The following LRRCC1 variants were observed in gnomAD, a reference collection of about 807,000 sequenced individuals.
LRRCC1 encodes leucine-rich repeat and coiled-coil domain-containing protein 1.
Under a neutral mutation model 126.0 loss-of-function variants are expected in LRRCC1, and 115 were observed. That is an observed-to-expected ratio of 0.91 (90% CI 0.78 to 1.07). The LOEUF (loss-of-function observed/expected upper bound fraction) is 1.07. Ranked by LOEUF, LRRCC1 falls within the 50% of genes least tolerant of loss-of-function variation. The pLI is 0.00. For synonymous variants in LRRCC1, 400 were observed against 393.4 expected, an observed-to-expected ratio of 1.02 and a Z score of -0.20; for missense variants, 1,172 against 1,175.7, an observed-to-expected ratio of 1.00 and a Z score of 0.05.
chr8:85,107,297 T>TGGA lies in LRRCC1; in HGVS notation c.5_7dup (p.Glu2dup), dbSNP rs1808305061. The TGGA allele has an allele frequency of 5.0e-6, 8 of 1,611,806 alleles. No homozygotes were observed. Among genetic ancestry groups the TGGA allele is most frequent in the Non-Finnish European group, 6.8e-6 (8 of 1,179,074 alleles). ...ACCCCGCTCCCCGTCGCCAGTGCTATGGAGGCGGCGGCGGCGGTGGTGGCG... is the reference window on the plus strand; with the variant it reads ...ACCCCGCTCCCCGTCGCCAGTGCTATGGAGGAGGCGGCGGCGGCGGTGGTGGCG... On this transcript the variant is annotated inframe_insertion, in exon 1 of 19. Coordinates refer to ENST00000360375, the MANE Select transcript of LRRCC1 (RefSeq NM_033402.5).
chr8:85,113,881 A>G (rs989813390), intron 4 of LRRCC1, among the ~76,000 whole-genome samples: 1 of 152,150 alleles, frequency 6.6e-6, no homozygotes, highest in Non-Finnish European at 1.5e-5. Flanking sequence ...CACTTATCTC[A>G]TATTGCTTAA....
chr8:85,142,515 A>G (rs1811323027), intron 18 of LRRCC1, among the ~76,000 whole-genome samples: 1 of 152,152 alleles, frequency 6.6e-6, no homozygotes, highest in Non-Finnish European at 1.5e-5. Flanking sequence ...AGAGTTCACC[A>G]ACAGAAAGGC....
rs1563923655 is a variant in LRRCC1 at position 85,107,412 on chromosome 8, C to T, written c.104+13C>T. ...AAGGCTTGCAGAGGTAAAGGGCGCT[C>T]CGCAGCCAGGAGCGACCCGCGCACT... On this transcript the variant is annotated intron_variant, in intron 1 of 18. Transcript: ENST00000360375. The T allele has an allele frequency of 6.3e-7, 1 of 1,597,314 alleles. No homozygotes were observed.
chr8:85,118,892 C>T (rs1439728919), intron 6 of LRRCC1, among the ~76,000 whole-genome samples: 2 of 151,166 alleles, frequency 1.3e-5, no homozygotes, highest in East Asian at 1.9e-4. Flanking sequence ...ATTTTTTTCC[C>T]TTTCATGGTC....
chr8:85,130,681 T>A (rs1222162873), intron 11 of LRRCC1, among the ~76,000 whole-genome samples: 1 of 152,128 alleles, frequency 6.6e-6, no homozygotes, highest in Non-Finnish European at 1.5e-5. Flanking sequence ...AGAGAGAAAA[T>A]TTTTAATTGA....
At chr8:85,132,734 T>C (rs1285802287) in intron 12 of LRRCC1, among the ~76,000 whole-genome samples, 1 of 152,176 alleles carries the variant, frequency 6.6e-6, no homozygotes, top group Non-Finnish European at 1.5e-5. Flanking sequence ...GCCTGGCCTG[T>C]ATAGCCTAAC....
chr8:85,124,969 G>A lies in LRRCC1; in HGVS notation c.1272+30G>A, dbSNP rs760242491. 1.5e-4 allele frequency: 219 copies of A among 1,503,058 alleles called. 1 individual carries two copies. The highest frequency in any genetic ancestry group is 9.0e-6 in the Non-Finnish European group (10 of 1,114,946). 93.1% of individuals were successfully genotyped at this position (1,503,058 alleles called of 1,614,324 possible). A position where few individuals can be genotyped will look rare whatever the true frequency, so the allele number is the denominator to read the frequency against. ...GATTTAAGAGTTAAAGAAAAAATGA[G>A]TATGAATAATTTTAAATACAGAGTC... On this transcript the variant is annotated intron_variant, in intron 8 of 18. Coordinates refer to ENST00000360375, the MANE Select transcript of LRRCC1 (RefSeq NM_033402.5).
intron 18 of LRRCC1, among the ~76,000 whole-genome samples, chr8:85,144,151 A>G (rs1398008259): frequency 6.6e-6 from 1 of 152,136 alleles, no homozygotes. Context: ...GTAATATATA[A>G]CCACCAACAG....
chr8:85,139,805 T>C (rs61611893), intron 17 of LRRCC1, among the ~76,000 whole-genome samples: 2,808 of 152,278 alleles, frequency 0.018, 47 homozygotes, highest in East Asian at 0.06. Flanking sequence ...CCCAAAAATC[T>C]CACTTAAAGA....
intron 18 of LRRCC1, among the ~76,000 whole-genome samples, chr8:85,143,801 G>A (rs1811432460): frequency 6.6e-6 from 1 of 152,180 alleles, no homozygotes; most frequent in African/African-American, 2.4e-5. Flanking sequence ...CTTAAGGGAA[G>A]TGTTTGAAGT....
chr8:85,132,375 CTTT>C (rs551423793), intron 12 of LRRCC1, among the ~76,000 whole-genome samples: 1,455 of 109,562 alleles, frequency 0.013, 1 homozygote, highest in African/African-American at 0.05. Context: ...TGAGTACTTT[CTTT>C]TTTTTTTTTT....
At chr8:85,129,101 T>G in intron 9 of LRRCC1, 74 bp from the exon 10 acceptor site, 1 of 1,062,820 alleles carries the variant, frequency 9.4e-7, no homozygotes, top group East Asian at 2.4e-5. Context: ...CAGAGAGTAC[T>G]CTCATTGAAG....
intron 14 of LRRCC1, among the ~76,000 whole-genome samples, chr8:85,136,991 A>AT (rs367742273): frequency 0.076 from 11,549 of 151,548 alleles, 545 homozygotes; most frequent in South Asian, 0.12. Flanking sequence ...TGCCCGGCTA[A>AT]TTTTTTTGTA....
intron 10 of LRRCC1, 69 bp from the exon 11 acceptor site, chr8:85,129,850 T>G: frequency 1.6e-6 from 2 of 1,216,832 alleles, no homozygotes; most frequent in Non-Finnish European, 2.2e-6. Context: ...AAGGTACTTA[T>G]GGAAACTGAC....
intron 11 of LRRCC1, 77 bp downstream of exon 11, chr8:85,130,135 ATTT>A (rs11312968): frequency 0.015 from 9,229 of 621,290 alleles, no homozygotes; most frequent in Middle Eastern, 0.019. Flanking sequence ...CACTACCAGT[ATTT>A]TTTTTTTTTT....
chr8:85,134,982 A>G lies in LRRCC1; in HGVS notation c.2104A>G (p.Lys702Glu). The G allele has an allele frequency of 6.4e-7, 1 of 1,556,588 alleles. No homozygotes were observed. The highest frequency in any genetic ancestry group is 8.6e-7 in the Non-Finnish European group (1 of 1,162,294). ...LTCMVKEQKT[K>E]LAEVSKLKQE... ...CTGTATGGTAAAGGAACAAAAAACA[A>G]AACTGGCAGAAGTTTCTAAATTGAA... Residue 702 changes from lysine (K) to glutamate (E), a missense_variant, in exon 13 of 19, where the codon AAA becomes GAA. Physicochemically the swap from Lys to Glu is moderately conservative, Grantham distance 56. Coordinates refer to ENST00000360375, the MANE Select transcript of LRRCC1 (RefSeq NM_033402.5).
At position 85,115,413 on chromosome 8, in the gene LRRCC1, T is replaced by C. The variant is rs779553525; in HGVS notation, c.759T>C (p.Asp253=). The change falls in exon 6 of 19, where the codon GAT becomes GAC. Residue 253 remains aspartate, a synonymous_variant. Coordinates refer to ENST00000360375, the MANE Select transcript of LRRCC1 (RefSeq NM_033402.5). The part of the protein sequence containing the change: ...DRMPVITAPI[D]ELVPLEQFAS... ...TGCCAGTGATAACAGCACCTATCGA[T>C]GAGTTAGTTCCCTTGGAACAGTTTG... The C allele has an allele frequency of 6.2e-7, 1 of 1,613,752 alleles. No homozygotes were observed. The highest frequency in any genetic ancestry group is 2.2e-5 in the East Asian group (1 of 44,844).
chr8:85,129,443 A>C (rs909236753), intron 10 of LRRCC1, 64 bp downstream of exon 10: 5 of 1,338,902 alleles, frequency 3.7e-6, no homozygotes, highest in Non-Finnish European at 5.2e-6. Flanking sequence ...TCTATCGTGA[A>C]ACAAATTATA....
chr8:85,112,201 A>T (rs550377008), intron 3 of LRRCC1, among the ~76,000 whole-genome samples: 16 of 152,272 alleles, frequency 1.1e-4, no homozygotes, highest in Non-Finnish European at 1.9e-4. Flanking sequence ...TATAATGATA[A>T]ACATAACACT....
Sources: gnomAD v4.1 joint callset for allele counts (sites outside exome capture counted in the v4.1 genomes callset) on GRCh38, gnomAD v4.1.1 for gene constraint, MANE v1.5 for transcripts, NCBI Gene and HGNC (gene_info 2026-07-23, HGNC 2026-07-21) for gene names.